Variants in RFX7 observed in about 807,000 individuals in gnomAD.
RFX7 encodes the protein regulatory factor X7, also known as DNA-binding protein RFX7.
RFX7 carries 26 observed loss-of-function variants against 111.8 expected under a neutral mutation model. That is an observed-to-expected ratio of 0.23 (90% CI 0.17 to 0.32). The LOEUF (loss-of-function observed/expected upper bound fraction) is 0.32, where lower values mean the gene tolerates loss of function less well. RFX7 is among the 10% of genes least tolerant of loss of function. RFX7 has a pLI of 1.00. For missense variants in RFX7, 1,573 were observed against 1,772.9 expected (o/e 0.89, Z 2.02); for synonymous variants, 624 against 624.4 (o/e 1.00, Z 0.01).
intron 7 of RFX7, 41 bp downstream of exon 7, chr15:56,102,128 G>C (rs758585537): frequency 7.1e-7 from 1 of 1,404,056 alleles, no homozygotes; most frequent in South Asian, 1.2e-5. Flanking sequence ...TAATATAAAG[G>C]TACAATTTTA....
At chr15:56,183,316 T>C (rs1007758026) in intron 2 of RFX7, among the ~76,000 whole-genome samples, 2 of 152,134 alleles carry the variant, frequency 1.3e-5, no homozygotes, top group Non-Finnish European at 2.9e-5. Context: ...ATTTTTTTCC[T>C]TTATGAGTTA....
chr15:56,194,775 T>C (rs936054027), intron 2 of RFX7, among the ~76,000 whole-genome samples: 4 of 152,148 alleles, frequency 2.6e-5, no homozygotes, highest in Non-Finnish European at 5.9e-5. Flanking sequence ...ATTCTGTTGG[T>C]AAGGATGGGG....
intron 2 of RFX7, 112 bp downstream of exon 2, chr15:56,243,013 T>A (rs1304439389): frequency 1.1e-5 from 8 of 759,156 alleles, no homozygotes; most frequent in African/African-American, 1.8e-5. Context: ...AAAGCCACAT[T>A]CAATGAATGC....
intron 2 of RFX7, among the ~76,000 whole-genome samples, chr15:56,195,541 G>T (rs1403386402): frequency 6.6e-6 from 1 of 152,074 alleles, no homozygotes; most frequent in Non-Finnish European, 1.5e-5. Flanking sequence ...AATAGTCATT[G>T]TTCTTAGTAC....
chr15:56,194,770 G>C (rs2043131825), intron 2 of RFX7, among the ~76,000 whole-genome samples: 1 of 152,106 alleles, frequency 6.6e-6, no homozygotes, highest in African/African-American at 2.4e-5. Context: ...AATGGATTCT[G>C]TTGGTAAGGA....
At chr15:56,183,303 T>G (rs2042996818) in intron 2 of RFX7, among the ~76,000 whole-genome samples, 1 of 152,108 alleles carries the variant, frequency 6.6e-6, no homozygotes, top group Non-Finnish European at 1.5e-5. Flanking sequence ...TTTGATCTAG[T>G]CAATTTTTTT....
intron 2 of RFX7, among the ~76,000 whole-genome samples, chr15:56,235,183 T>G (rs1662974762): frequency 6.6e-6 from 1 of 151,842 alleles, no homozygotes; most frequent in Admixed American, 6.6e-5. Flanking sequence ...TTTGTTGTTT[T>G]TTTTTTTTGA....
chr15:56,152,582 T>C (rs562252337), intron 3 of RFX7, among the ~76,000 whole-genome samples: 1 of 152,234 alleles, frequency 6.6e-6, no homozygotes, highest in African/African-American at 2.4e-5. Context: ...TAGCACTAAA[T>C]GCCCACAAGA....
chr15:56,147,211 GA>G (rs1170453688), intron 3 of RFX7, among the ~76,000 whole-genome samples: 2 of 152,176 alleles, frequency 1.3e-5, no homozygotes, highest in African/African-American at 4.8e-5. Context: ...GAGCACCAGA[GA>G]AAAGACCAAC....
intron 2 of RFX7, among the ~76,000 whole-genome samples, chr15:56,235,434 A>G (rs535265876): frequency 6.6e-6 from 1 of 152,282 alleles, no homozygotes; most frequent in East Asian, 1.9e-4. Flanking sequence ...TCGGCCTCCC[A>G]AAGTGCCCTG....
intron 5 of RFX7, among the ~76,000 whole-genome samples, chr15:56,137,369 T>C (rs2042319100): frequency 1.3e-5 from 2 of 152,220 alleles, no homozygotes; most frequent in Non-Finnish European, 2.9e-5. Context: ...AAGGAATTTA[T>C]CCATTTCTTC....
At chr15:56,176,275 T>C (rs1054546469) in intron 3 of RFX7, among the ~76,000 whole-genome samples, 1 of 152,102 alleles carries the variant, frequency 6.6e-6, no homozygotes, top group South Asian at 2.1e-4. Flanking sequence ...TTTGGAAAGA[T>C]AATGGCTGAA....
intron 2 of RFX7, among the ~76,000 whole-genome samples, chr15:56,180,093 C>G (rs2042952753): frequency 6.6e-6 from 1 of 152,072 alleles, no homozygotes; most frequent in Non-Finnish European, 1.5e-5. Flanking sequence ...AGTTTACACA[C>G]AATCTTTAAA....
At chr15:56,169,047 C>T (rs150074060) in intron 3 of RFX7, among the ~76,000 whole-genome samples, 1 of 152,156 alleles carries the variant, frequency 6.6e-6, no homozygotes, top group Non-Finnish European at 1.5e-5. Flanking sequence ...CAGATAAATG[C>T]ATAGTCCTAG....
chr15:56,201,286 T>C (rs2043190954), intron 2 of RFX7, among the ~76,000 whole-genome samples: 1 of 152,208 alleles, frequency 6.6e-6, no homozygotes, highest in Non-Finnish European at 1.5e-5. Flanking sequence ...CAATGTCCTG[T>C]AGTCCTCCAC....
Position 56,095,179 on chromosome 15 carries a change from T to C in RFX7, c.2549A>G (p.His850Arg), listed in dbSNP as rs781407551. The part of the protein sequence containing the change: ...QESSLNQIQA[H>R]SSDQLPLQSE... ...TTGCAGAGGTAACTGATCTGAAGAA[T>C]GTGCTTGTATTTGATTTAAAGAAGA... is the stretch of plus-strand genomic sequence containing the variant. The change falls in exon 10 of 10, where the codon CAT (histidine) becomes CGT (arginine). Residue 850 changes from histidine (H) to arginine (R), a missense_variant. Coordinates refer to ENST00000559447, the MANE Select transcript of RFX7 (RefSeq NM_022841.7). 1.2e-6 allele frequency: 2 copies of C among 1,613,956 alleles called. No homozygotes were observed. Among genetic ancestry groups the C allele is most frequent in the South Asian group, 1.1e-5 (1 of 91,076 alleles).
At position 56,098,155 on chromosome 15, in the gene RFX7, G is replaced by T; in HGVS notation, c.1033C>A (p.Pro345Thr). The change falls in exon 9 of 10, where the codon CCT becomes ACT. Residue 345 changes from proline (P) to threonine (T), a missense_variant. By Grantham distance (38) the Pro-to-Thr change is conservative. Transcript: ENST00000559447. ...SATSNGVTNL[P>T]NGNPSILSPQ... is the part of the protein sequence containing the mutation. ...GAAAGGATTGAAGGATTTCCATTAG[G>T]AAGATTAGTCACTCCATTGCTTGTA... 1 of 1,613,932 alleles carries T rather than the reference G, an allele frequency of 6.2e-7. No individual in the cohort carries two copies. The highest frequency in any genetic ancestry group is 1.3e-5 in the African/African-American group (1 of 75,046).
intron 3 of RFX7, among the ~76,000 whole-genome samples, chr15:56,160,553 TC>T (rs1381422677): frequency 1.3e-5 from 2 of 151,906 alleles, no homozygotes; most frequent in Admixed American, 1.3e-4. Flanking sequence ...TACTAATTTT[TC>T]CCCCCTCAAG....
chr15:56,162,250 T>C (rs568155268), intron 3 of RFX7, among the ~76,000 whole-genome samples: 1 of 152,214 alleles, frequency 6.6e-6, no homozygotes, highest in South Asian at 2.1e-4. Context: ...GGTAGGCCAT[T>C]GAGAGGAAAA....
Sources: allele counts gnomAD v4.1 joint callset (sites outside exome capture counted in the v4.1 genomes callset), GRCh38; gene constraint gnomAD v4.1.1; transcripts MANE v1.5; gene names NCBI Gene and HGNC (gene_info 2026-07-23, HGNC 2026-07-21).